The following CCDC171 variants were observed in gnomAD, a reference collection of about 807,000 sequenced individuals.
The protein encoded by CCDC171 is coiled-coil domain containing 171, also known as coiled-coil domain-containing protein 171.
Under a neutral mutation model 168.2 loss-of-function variants are expected in CCDC171, and 177 were observed. The ratio of observed to expected loss-of-function variants is 1.05; its 90% CI spans 0.93 to 1.19. CCDC171 has a LOEUF of 1.19. CCDC171 is among the 50% of genes most tolerant of loss of function. CCDC171 has a pLI of 0.00. For synonymous variants in CCDC171, 687 were observed against 540.8 expected, an observed-to-expected ratio of 1.27 and a Z score of -3.75; for missense variants, 1,991 against 1,539.0, an observed-to-expected ratio of 1.29 and a Z score of -4.91.
intron 24 of CCDC171, among the ~76,000 whole-genome samples, chr9:15,918,659 C>G (rs1824883255): frequency 6.6e-6 from 1 of 151,408 alleles, no homozygotes; most frequent in East Asian, 1.9e-4. Context: ...CAGATATTCC[C>G]AGGTAAGAAG....
chr9:15,734,669 CTGT>C (rs1383604904), intron 16 of CCDC171, among the ~76,000 whole-genome samples: 2 of 151,988 alleles, frequency 1.3e-5, no homozygotes, highest in Non-Finnish European at 2.9e-5. Flanking sequence ...GTTTGATAAA[CTGT>C]TATTATAATA....
At position 15,848,282 on chromosome 9, in the gene CCDC171, G is replaced by A. The variant is rs137916080; in HGVS notation, c.3414-611G>A. ...AGTTTTAAATTTCAATTTACAATTA[G>A]ATTTTTATCTTCATTATTTTCATTC... On this transcript the variant is annotated intron_variant, in intron 22 of 25. Transcript: ENST00000380701. Among the ~76,000 whole-genome samples the A allele has an allele frequency of 5.3e-4, 80 of 152,002 alleles. No individual in the cohort carries two copies. The East Asian group carries it at 0.015, about 28-fold the overall frequency.
chr9:16,000,789 A>G (rs552067718), intron 3 of CCDC171, among the ~76,000 whole-genome samples: 11 of 152,098 alleles, frequency 7.2e-5, no homozygotes, highest in Non-Finnish European at 1.6e-4. Context: ...TCTCTCAACA[A>G]ATGTTATCTT....
intron 24 of CCDC171, among the ~76,000 whole-genome samples, chr9:15,897,452 A>G (rs981109076): frequency 5.9e-5 from 9 of 152,128 alleles, no homozygotes; most frequent in Non-Finnish European, 2.9e-5. Context: ...CTTTGATAGA[A>G]TAGAGATTCA....
intron 7 of CCDC171, among the ~76,000 whole-genome samples, chr9:15,631,366 A>G (rs1286022046): frequency 6.6e-6 from 1 of 152,168 alleles, no homozygotes; most frequent in African/African-American, 2.4e-5. Flanking sequence ...CAGAAATACA[A>G]ACTACCATCA....
At chr9:15,701,790 A>G (rs983238747) in intron 11 of CCDC171, among the ~76,000 whole-genome samples, 2 of 152,102 alleles carry the variant, frequency 1.3e-5, no homozygotes, top group African/African-American at 2.4e-5. Flanking sequence ...GAACTCCTCA[A>G]AGTCATCCAC....
intron 11 of CCDC171, among the ~76,000 whole-genome samples, chr9:15,707,727 C>T (rs771543609): frequency 6.6e-6 from 1 of 152,098 alleles, no homozygotes; most frequent in Non-Finnish European, 1.5e-5. Context: ...TTTTAAATGA[C>T]GGAACTGAAA....
intron 25 of CCDC171, among the ~76,000 whole-genome samples, chr9:15,942,715 A>G (rs1225874928): frequency 6.6e-6 from 1 of 151,928 alleles, no homozygotes; most frequent in Non-Finnish European, 1.5e-5. Context: ...GTTTAGTAGG[A>G]ATCATAATTT....
At chr9:15,638,541 A>T (rs1214054026) in intron 7 of CCDC171, among the ~76,000 whole-genome samples, 1 of 152,118 alleles carries the variant, frequency 6.6e-6, no homozygotes, top group Non-Finnish European at 1.5e-5. Flanking sequence ...AGCAATATCA[A>T]ACTAAAGCAA....
At chr9:16,106,867 A>G in the CCDC171 span, among the ~76,000 whole-genome samples, 1 of 152,176 alleles carries the variant, frequency 6.6e-6, no homozygotes, top group Non-Finnish European at 1.5e-5. Flanking sequence ...GACTTGGGCC[A>G]GGTGTCACCC....
In CCDC171 at chr9:15,870,543, T is replaced by C. The variant is rs189445188; in HGVS notation, c.3469-3989T>C. Among the ~76,000 whole-genome samples, 5 of 152,032 alleles carry C rather than the reference T, an allele frequency of 3.3e-5. No homozygotes were observed. The East Asian group carries it at 9.7e-4, about 29-fold the overall frequency. On this transcript the variant is annotated intron_variant, in intron 23 of 25. Transcript: ENST00000380701. ...TCCCAGGCATTCAGGATTCAGACAC[T>C]GTATACATCTTCTTACATGTGTTTT...
chr9:16,071,390 T>C, the CCDC171 span, among the ~76,000 whole-genome samples: 4 of 152,154 alleles, frequency 2.6e-5, no homozygotes, highest in African/African-American at 9.7e-5. Flanking sequence ...ATCTGTGTCT[T>C]CCCCCTAAGT....
chr9:15,805,853 G>C (rs1435918131), intron 21 of CCDC171, among the ~76,000 whole-genome samples: 1 of 152,058 alleles, frequency 6.6e-6, no homozygotes, highest in African/African-American at 2.4e-5. Flanking sequence ...GGGTATTAAA[G>C]TCTCCCAGTA....
At chr9:15,632,828 A>G (rs2045846075) in intron 7 of CCDC171, among the ~76,000 whole-genome samples, 1 of 152,226 alleles carries the variant, frequency 6.6e-6, no homozygotes, top group Non-Finnish European at 1.5e-5. Flanking sequence ...ACAGAGATAT[A>G]GATCAATAGA....
intron 4 of CCDC171, among the ~76,000 whole-genome samples, chr9:15,580,810 C>G (rs2041051138): frequency 6.6e-6 from 1 of 152,062 alleles, no homozygotes; most frequent in Non-Finnish European, 1.5e-5. Flanking sequence ...TCACTATGGA[C>G]AATAGTATGG....
intron 25 of CCDC171, among the ~76,000 whole-genome samples, chr9:15,944,302 G>C (rs1056321945): frequency 1.3e-5 from 2 of 151,862 alleles, no homozygotes; most frequent in Admixed American, 6.6e-5. Flanking sequence ...GCCTTCTTGT[G>C]ACCACTGGAA....
At chr9:15,884,416 AT>A (rs1819117369) in intron 24 of CCDC171, among the ~76,000 whole-genome samples, 1 of 152,162 alleles carries the variant, frequency 6.6e-6, no homozygotes, top group Non-Finnish European at 1.5e-5. Flanking sequence ...TCAGGTTAAT[AT>A]TTTTACCCCT....
chr9:15,694,520 A>C (rs192346143), intron 10 of CCDC171, among the ~76,000 whole-genome samples: 1 of 152,162 alleles, frequency 6.6e-6, no homozygotes, highest in Non-Finnish European at 1.5e-5. Flanking sequence ...AATAGCCAAA[A>C]CGAGACCCTC....
rs1441859749 is a variant in CCDC171, at chr9:15,770,247, A to G, written c.2672-7353A>G. 8.5e-5 allele frequency among the ~76,000 whole-genome samples: 13 copies of G among 152,188 alleles called. 1 individual carries two copies. ...TTGTTGAAGACCACCCAAAAAGTTC[A>G]ATGTTCTTATTTGGTTTATGCAAAA... On this transcript the variant is annotated intron_variant, in intron 18 of 25. Coordinates refer to ENST00000380701, the MANE Select transcript of CCDC171 (RefSeq NM_173550.4).
Sources: allele counts gnomAD v4.1 joint callset (sites outside exome capture counted in the v4.1 genomes callset), GRCh38; gene constraint gnomAD v4.1.1; transcripts MANE v1.5; gene names NCBI Gene and HGNC (gene_info 2026-07-23, HGNC 2026-07-21).